The following ROBO2 variants were observed in gnomAD, a reference collection of about 807,000 sequenced individuals.
ROBO2 encodes the protein roundabout homolog 2.
ROBO2 carries 53 observed loss-of-function variants against 160.8 expected under a neutral mutation model. The observed-to-expected ratio is 0.33, with a 90% CI of 0.26 to 0.41. The LOEUF (loss-of-function observed/expected upper bound fraction) is 0.41. Ranked by LOEUF, ROBO2 falls within the 10% of genes least tolerant of loss-of-function variation. The probability of loss-of-function intolerance (pLI) is 1.00; values close to 1 mark genes in which losing one functional copy is unlikely to be tolerated. For missense variants in ROBO2, 1,577 were observed against 1,722.4 expected (o/e 0.92, Z 1.49); for synonymous variants, 664 against 611.7 (o/e 1.09, Z -1.26).
intron 2 of ROBO2, among the ~76,000 whole-genome samples, chr3:76,073,446 C>A (rs1230449619): frequency 2.0e-5 from 3 of 151,314 alleles, no homozygotes; most frequent in Non-Finnish European, 3.0e-5. Context: ...GCGCCGCCCC[C>A]ACGCCCGGCT....
chr3:77,118,690 G>T (rs918837785), intron 2 of ROBO2, among the ~76,000 whole-genome samples: 4 of 152,278 alleles, frequency 2.6e-5, no homozygotes, highest in Admixed American at 2.6e-4. Context: ...TTTATGTAAA[G>T]CAAGCATGCA....
intron 2 of ROBO2, among the ~76,000 whole-genome samples, chr3:77,139,468 C>CTT (rs1448061762): frequency 2.0e-5 from 3 of 152,164 alleles, no homozygotes; most frequent in Non-Finnish European, 4.4e-5. Context: ...AGCAGCCTTG[C>CTT]AGCCACATCT....
intron 2 of ROBO2, among the ~76,000 whole-genome samples, chr3:75,996,703 CTAAAG>C (rs1378995196): frequency 2.0e-5 from 3 of 151,910 alleles, no homozygotes; most frequent in African/African-American, 7.3e-5. Flanking sequence ...CCTTTTCCTC[CTAAAG>C]TAATGAATAT....
chr3:77,458,791 C>G (rs532766236), intron 2 of ROBO2, among the ~76,000 whole-genome samples: 20 of 152,162 alleles, frequency 1.3e-4, no homozygotes, highest in African/African-American at 4.6e-4. Flanking sequence ...TTTTAGTATA[C>G]TTTGATTATT....
chr3:77,002,948 T>A (rs2061403443), intron 2 of ROBO2, among the ~76,000 whole-genome samples: 1 of 150,628 alleles, frequency 6.6e-6, no homozygotes, highest in African/African-American at 2.5e-5. Context: ...AGAAATACAC[T>A]GTAATTAAGG....
intron 2 of ROBO2, among the ~76,000 whole-genome samples, chr3:77,408,746 G>T (rs1299141722): frequency 1.3e-5 from 2 of 151,816 alleles, no homozygotes; most frequent in Middle Eastern, 3.2e-3. Context: ...TTAGAGACAG[G>T]GTTTCACTCT....
intron 2 of ROBO2, among the ~76,000 whole-genome samples, chr3:76,862,471 G>C (rs997972918): frequency 6.6e-6 from 1 of 152,104 alleles, no homozygotes; most frequent in Admixed American, 6.6e-5. Context: ...GGTTAAATTT[G>C]TGAGTTTTTA....
At chr3:75,932,104 G>C (rs1040270033) in intron 1 of ROBO2, among the ~76,000 whole-genome samples, 1 of 152,024 alleles carries the variant, frequency 6.6e-6, no homozygotes, top group African/African-American at 2.4e-5. Context: ...ACTTGAGAGG[G>C]TATCAGTGTA....
chr3:77,333,014 T>C (rs1468737828), intron 2 of ROBO2, among the ~76,000 whole-genome samples: 1 of 152,208 alleles, frequency 6.6e-6, no homozygotes, highest in Non-Finnish European at 1.5e-5. Context: ...CCAGTTGGTA[T>C]TAAGTGAAAT....
At chr3:76,772,157 G>T (rs191381036) in intron 2 of ROBO2, among the ~76,000 whole-genome samples, 4 of 151,328 alleles carry the variant, frequency 2.6e-5, no homozygotes, top group Admixed American at 2.6e-4. Flanking sequence ...TTGTAAAATA[G>T]TCCTGGTCTA....
chr3:76,845,256 A>G (rs1018677612), intron 2 of ROBO2, among the ~76,000 whole-genome samples: 11 of 152,036 alleles, frequency 7.2e-5, no homozygotes, highest in Admixed American at 2.0e-4. Flanking sequence ...GCAATTTAGT[A>G]TCTTCTAACA....
intron 1 of ROBO2, among the ~76,000 whole-genome samples, chr3:75,935,798 A>C (rs1947750778): frequency 6.6e-6 from 1 of 152,154 alleles, no homozygotes; most frequent in African/African-American, 2.4e-5. Flanking sequence ...TGGGAGATCT[A>C]GAACTAAATT....
intron 2 of ROBO2, among the ~76,000 whole-genome samples, chr3:77,289,409 G>A (rs573651210): frequency 2.6e-5 from 4 of 151,960 alleles, no homozygotes; most frequent in East Asian, 1.9e-4. Context: ...ACGTTTAAAC[G>A]GGGACACTGA....
rs547187325 is a variant in ROBO2, at chr3:76,092,168, G to T, written c.109+154566G>T. Among the ~76,000 whole-genome samples, 4 of 152,252 alleles carry T rather than the reference G, an allele frequency of 2.6e-5. No individual in the cohort carries two copies. In the South Asian group the frequency reaches 6.2e-4, roughly 24 times the overall value. On this transcript the variant is annotated intron_variant, in intron 2 of 26. Coordinates refer to the ROBO2 transcript ENST00000487694. ...TGATAGTGTGGGACGTTGCGCATGT[G>T]TGGGGACAAAAAGTTTATGAGGGCT... is the stretch of plus-strand genomic sequence containing the variant.
intron 17 of ROBO2, among the ~76,000 whole-genome samples, chr3:77,593,293 AC>A (rs2094221434): frequency 6.6e-6 from 1 of 151,476 alleles, no homozygotes; most frequent in African/African-American, 2.4e-5. Flanking sequence ...TTGCATGTGT[AC>A]TAATCAGGCA....
chr3:77,626,246 G>A (rs1361698307), intron 23 of ROBO2, among the ~76,000 whole-genome samples: 1 of 152,052 alleles, frequency 6.6e-6, no homozygotes, highest in Non-Finnish European at 1.5e-5. Flanking sequence ...TTTTCCTTAT[G>A]CATTTAATCA....
At chr3:76,084,960 C>G in intron 2 of ROBO2, among the ~76,000 whole-genome samples, 1 of 152,068 alleles carries the variant, frequency 6.6e-6, no homozygotes, top group Non-Finnish European at 1.5e-5. Context: ...AACTACATTA[C>G]TTAGGTAATA....
intron 2 of ROBO2, among the ~76,000 whole-genome samples, chr3:76,430,091 A>C (rs980926462): frequency 1.3e-5 from 2 of 152,132 alleles, no homozygotes; most frequent in Non-Finnish European, 2.9e-5. Flanking sequence ...CTTCCTAGTT[A>C]ATTACAGAAG....
chr3:76,984,450 G>T (rs547826167), intron 2 of ROBO2, among the ~76,000 whole-genome samples: 32 of 152,296 alleles, frequency 2.1e-4, no homozygotes, highest in Admixed American at 7.2e-4. Flanking sequence ...TTAGACCCGT[G>T]ACCTTCACTG....
Sources: allele counts gnomAD v4.1 joint callset (sites outside exome capture counted in the v4.1 genomes callset), GRCh38; gene constraint gnomAD v4.1.1; transcripts MANE v1.5; gene names NCBI Gene and HGNC (gene_info 2026-07-23, HGNC 2026-07-21).